GAPVD1: variants seen among roughly 807,000 people sequenced by gnomAD.
The protein encoded by GAPVD1 is GTPase activating protein and VPS9 domains 1, also known as GTPase-activating protein and VPS9 domain-containing protein 1.
Under a neutral mutation model 155.5 loss-of-function variants are expected in GAPVD1, and 35 were observed. That is an observed-to-expected ratio of 0.23 (90% confidence interval 0.17 to 0.30). The LOEUF (loss-of-function observed/expected upper bound fraction) is 0.30. GAPVD1 is among the 10% of genes least tolerant of loss of function. The pLI is 1.00. For missense variants in GAPVD1, 1,429 were observed against 1,775.7 expected, an observed-to-expected ratio of 0.80 and a Z score of 3.51; for synonymous variants, 636 against 619.7, an observed-to-expected ratio of 1.03 and a Z score of -0.39.
chr9:125,314,875 C>T (rs1843174978), intron 9 of GAPVD1, among the ~76,000 whole-genome samples: 1 of 150,504 alleles, frequency 6.6e-6, no homozygotes, highest in African/African-American at 2.4e-5. Context: ...GCGAGGTCCA[C>T]CTCCCGGGTT....
intron 1 of GAPVD1, among the ~76,000 whole-genome samples, chr9:125,266,624 A>G (rs906171559): frequency 6.6e-6 from 1 of 151,140 alleles, no homozygotes; most frequent in African/African-American, 2.4e-5. Flanking sequence ...GTTATCTATA[A>G]TTTCTTTTGA....
At chr9:125,269,417 T>G (rs372100113) in intron 2 of GAPVD1, among the ~76,000 whole-genome samples, 10 of 152,256 alleles carry the variant, frequency 6.6e-5, no homozygotes, top group African/African-American at 2.4e-4. Context: ...TTGAACTACC[T>G]AAACTTGTGC....
At chr9:125,340,771 C>A (rs1589049248) in intron 17 of GAPVD1, among the ~76,000 whole-genome samples, 1 of 152,224 alleles carries the variant, frequency 6.6e-6, no homozygotes, top group South Asian at 2.1e-4. Context: ...GACAGTGGTG[C>A]TGAAAAGGTA....
Position 125,360,578 on chromosome 9 carries a change from A to G in GAPVD1, c.4095A>G (p.Thr1365=). The change falls in exon 27 of 28, where the codon ACA becomes ACG. Residue 1365 remains threonine (T), a synonymous_variant. Transcript: ENST00000297933. ...PWPSAQSEIR[T]ISAYKTPRDK... ...CATCTGCACAATCAGAAATCAGGAC[A>G]ATAAGTGCTTATAAAACCCCCCGGG... 6.2e-7 allele frequency: 1 copy of G among 1,614,096 alleles called. No individual in the cohort carries two copies. The highest frequency in any genetic ancestry group is 8.5e-7 in the Non-Finnish European group (1 of 1,179,948).
chr9:125,293,862 A>AAATATAT (rs1554757107), intron 2 of GAPVD1, among the ~76,000 whole-genome samples: 20 of 13,730 alleles, frequency 1.5e-3, no homozygotes, highest in African/African-American at 9.5e-3. Flanking sequence ...TTATATATAT[A>AAATATAT]TATATATATA....
chr9:125,274,983 T>C (rs775213545), intron 2 of GAPVD1, among the ~76,000 whole-genome samples: 7 of 152,204 alleles, frequency 4.6e-5, no homozygotes, highest in Non-Finnish European at 1.0e-4. Flanking sequence ...TTAGGCATAT[T>C]GTTCTGCAGT....
intron 2 of GAPVD1, among the ~76,000 whole-genome samples, chr9:125,290,208 G>A (rs898779853): frequency 1.3e-5 from 2 of 152,132 alleles, no homozygotes; most frequent in South Asian, 2.1e-4. Flanking sequence ...AGAAAAAATG[G>A]TATGGAAGCT....
chr9:125,313,150 C>T (rs959479794), intron 9 of GAPVD1, among the ~76,000 whole-genome samples: 1 of 151,870 alleles, frequency 6.6e-6, no homozygotes, highest in Non-Finnish European at 1.5e-5. Context: ...GCACTTATTC[C>T]ATTTGTGAGG....
At chr9:125,264,841 C>T (rs1432566616) in intron 1 of GAPVD1, among the ~76,000 whole-genome samples, 3 of 151,524 alleles carry the variant, frequency 2.0e-5, no homozygotes, top group Non-Finnish European at 4.4e-5. Flanking sequence ...GCCTCAGCCT[C>T]CCAGGTAGCT....
At chr9:125,288,674 G>T (rs1269525151) in intron 2 of GAPVD1, among the ~76,000 whole-genome samples, 1 of 152,088 alleles carries the variant, frequency 6.6e-6, no homozygotes, top group Non-Finnish European at 1.5e-5. Context: ...ACCAGGCCCG[G>T]CCCATTCTTA....
chr9:125,308,061 T>C, intron 8 of GAPVD1, 181 bp downstream of exon 8: 2 of 608,832 alleles, frequency 3.3e-6, no homozygotes, highest in Non-Finnish European at 5.8e-6. Context: ...ATCAGTAGTC[T>C]TTAGCTTTGC....
At chr9:125,301,294 T>C (rs926173571) in intron 4 of GAPVD1, among the ~76,000 whole-genome samples, 6 of 152,172 alleles carry the variant, frequency 3.9e-5, no homozygotes, top group African/African-American at 1.4e-4. Flanking sequence ...GGTCTTGAAC[T>C]CCTGGGCTCA....
At chr9:125,346,045 C>G (rs1016532580) in intron 19 of GAPVD1, 2 of 152,200 alleles carry the variant, frequency 1.3e-5, no homozygotes, top group Admixed American at 6.6e-5. Flanking sequence ...CTATAGCAAT[C>G]CCTTGCTTTA....
chr9:125,340,575 C>T (rs537189141), intron 17 of GAPVD1, among the ~76,000 whole-genome samples: 1 of 152,254 alleles, frequency 6.6e-6, no homozygotes, highest in African/African-American at 2.4e-5. Context: ...GCATTTGGCA[C>T]ATAGTACACA....
chr9:125,351,770 C>T (rs1304544870), intron 23 of GAPVD1, among the ~76,000 whole-genome samples: 3 of 151,160 alleles, frequency 2.0e-5, no homozygotes, highest in Non-Finnish European at 2.9e-5. Context: ...GATGGAATTT[C>T]GCTCTTGTTG....
chr9:125,293,895 T>TATATAG (rs1839377488), intron 2 of GAPVD1, among the ~76,000 whole-genome samples: 1 of 115,132 alleles, frequency 8.7e-6, no homozygotes, highest in South Asian at 2.6e-4. Flanking sequence ...TATATATATA[T>TATATAG]ATATATATAA....
At chr9:125,326,826 CAA>C (rs545657422) in intron 12 of GAPVD1, among the ~76,000 whole-genome samples, 6 of 130,000 alleles carry the variant, frequency 4.6e-5, no homozygotes, top group Admixed American at 7.7e-5. Flanking sequence ...CCCAGCTGCC[CAA>C]AAAAAAAAAA....
rs147741937 is a variant in GAPVD1, at chr9:125,335,542, T to A, written c.2429-1476T>A. Among the ~76,000 whole-genome samples the A allele has an allele frequency of 1.7e-3, 260 of 152,184 alleles. 1 individual carries two copies. The highest frequency in any genetic ancestry group is 5.9e-3 in the African/African-American group (243 of 41,526). ...AATACAAAAAATTAGCTGGGTGTGGTGGCGTGTGCCTGTAATGCCAGCTAC... is the reference window on the plus strand; with the variant it reads ...AATACAAAAAATTAGCTGGGTGTGGAGGCGTGTGCCTGTAATGCCAGCTAC... On this transcript the variant is annotated intron_variant, in intron 15 of 27. Coordinates refer to ENST00000297933, the MANE Select transcript of GAPVD1 (RefSeq NM_001282680.3).
At chr9:125,282,854 T>G (rs546126181) in intron 2 of GAPVD1, among the ~76,000 whole-genome samples, 3 of 152,078 alleles carry the variant, frequency 2.0e-5, no homozygotes, top group African/African-American at 7.2e-5. Context: ...GATTCCAGTT[T>G]TAGTATTCTT....
Sources: gnomAD v4.1 joint callset for allele counts (sites outside exome capture counted in the v4.1 genomes callset) on GRCh38, gnomAD v4.1.1 for gene constraint, MANE v1.5 for transcripts, NCBI Gene and HGNC (gene_info 2026-07-23, HGNC 2026-07-21) for gene names.